GFI1B: variants seen among roughly 807,000 people sequenced by gnomAD.
GFI1B encodes zinc finger protein Gfi-1b.
A neutral mutation model predicts 35.3 loss-of-function variants in GFI1B; 20 were observed. The ratio of observed to expected loss-of-function variants is 0.57; its 90% CI spans 0.40 to 0.82. The LOEUF (loss-of-function observed/expected upper bound fraction) is 0.82, where lower values mean the gene tolerates loss of function less well. Among genes scored for constraint, GFI1B ranks in the 40% least tolerant of loss-of-function variants. The pLI is 0.00. For synonymous variants in GFI1B, 178 were observed against 177.6 expected (o/e 1.00, Z -0.02); for missense variants, 430 against 446.3 (o/e 0.96, Z 0.33).
chr9:132,969,180 C>A (rs770925272), intron 1 of GFI1B, among the ~76,000 whole-genome samples: 3 of 152,020 alleles, frequency 2.0e-5, no homozygotes, highest in South Asian at 2.1e-4. Flanking sequence ...AGGCGCGCAC[C>A]ACCAGGCCTG....
At chr9:132,958,425 C>T (rs149953647) in intron 1 of GFI1B, among the ~76,000 whole-genome samples, 180 of 152,152 alleles carry the variant, frequency 1.2e-3, no homozygotes, top group African/African-American at 4.1e-3. Context: ...CCAATCATGG[C>T]GGAAGGCAAA....
intron 1 of GFI1B, among the ~76,000 whole-genome samples, chr9:132,982,149 C>A (rs1848848423): frequency 2.6e-5 from 4 of 152,252 alleles, no homozygotes; most frequent in Admixed American, 2.6e-4. Flanking sequence ...AAAAGGGGAA[C>A]CCGAGTGACA....
chr9:132,951,487 T>C (rs1848201503), intron 1 of GFI1B: 1 of 152,212 alleles, frequency 6.6e-6, no homozygotes, highest in South Asian at 2.1e-4. Flanking sequence ...CTTCTCCCAG[T>C]TTATTATCTC....
rs1000630077 is a variant in GFI1B at position 132,989,306 on chromosome 9, A to G, written c.648+108A>G. The G allele has an allele frequency of 7.1e-6, 8 of 1,131,990 alleles. No homozygotes were observed. In the African/African-American group the frequency reaches 1.2e-4, roughly 17 times the overall value. The allele number at this position is 1,131,990 out of a possible 1,614,324, so 70.1% of individuals were successfully genotyped here. Reference sequence around the variant, plus strand: ...CCCTCCCCCTGCCCCTGGGGGTGACACAGATTGGGAGGGGTCCCCTAGTAC... The same window carrying G: ...CCCTCCCCCTGCCCCTGGGGGTGACGCAGATTGGGAGGGGTCCCCTAGTAC... On this transcript the variant is annotated intron_variant, in intron 5 of 6. Coordinates refer to ENST00000372122, the MANE Select transcript of GFI1B (RefSeq NM_001377304.1). This position sits in a 1 kb window ranked among gnomAD's most constrained non-coding sequence, Gnocchi z 6.2.
At chr9:132,977,394 T>C (rs984147420), upstream of GFI1B, among the ~76,000 whole-genome samples, 11 of 152,110 alleles carry the variant, frequency 7.2e-5, no homozygotes, top group Non-Finnish European at 1.0e-4. Context: ...CAGGGTTGTG[T>C]CCTCCTGGCT....
chr9:132,989,972 A>C lies in GFI1B; in HGVS notation c.814+65A>C, dbSNP rs681470. 7.0e-7 allele frequency: 1 copy of C among 1,418,994 alleles called. No individual in the cohort carries two copies. Among genetic ancestry groups the C allele is most frequent in the Non-Finnish European group, 9.9e-7 (1 of 1,006,850 alleles). 87.9% of individuals were successfully genotyped at this position (1,418,994 alleles called of 1,614,324 possible). On this transcript the variant is annotated intron_variant, in intron 6 of 6. Transcript: ENST00000372122. The surrounding 1 kb of genome is among the most constrained non-coding windows in gnomAD (Gnocchi z 6.2). ...ACCCCCACCTTTCCCTGAGAGATGC[A>C]TCAGAGGCCCCCAGCGTGAGGCTGG...
upstream of GFI1B, among the ~76,000 whole-genome samples, chr9:132,973,933 T>G (rs930592121): frequency 6.6e-6 from 1 of 152,178 alleles, no homozygotes. Flanking sequence ...GCACAATGAT[T>G]GGTGCTGGAT....
At chr9:132,957,476 G>A (rs1279890245) in intron 1 of GFI1B, among the ~76,000 whole-genome samples, 1 of 152,202 alleles carries the variant, frequency 6.6e-6, no homozygotes, top group Non-Finnish European at 1.5e-5. Context: ...ATTCAACAAT[G>A]ACATACTAGC....
chr9:132,973,945 T>C (rs763358196), upstream of GFI1B, among the ~76,000 whole-genome samples: 1 of 152,196 alleles, frequency 6.6e-6, no homozygotes, highest in African/African-American at 2.4e-5. Context: ...GTGCTGGATG[T>C]GCTTGTGACC....
intron 1 of GFI1B, among the ~76,000 whole-genome samples, chr9:132,983,844 T>C (rs1848923947): frequency 6.6e-6 from 1 of 152,232 alleles, no homozygotes; most frequent in Non-Finnish European, 1.5e-5. Flanking sequence ...CCTGCTGGGC[T>C]GAAAGTCAAG....
intron 4 of GFI1B, 25 bp downstream of exon 4, chr9:132,988,493 C>G (rs759752262): frequency 1.2e-6 from 2 of 1,607,582 alleles, no homozygotes; most frequent in Non-Finnish European, 1.7e-6. Flanking sequence ...GTGTGGTGGG[C>G]ACCTGGGCCC....
At chr9:132,958,414 T>C (rs1848315506) in intron 1 of GFI1B, among the ~76,000 whole-genome samples, 1 of 152,136 alleles carries the variant, frequency 6.6e-6, no homozygotes. Flanking sequence ...TCAGGAAGCT[T>C]CCAATCATGG....
intron 1 of GFI1B, among the ~76,000 whole-genome samples, chr9:132,965,820 T>A (rs1588415005): frequency 6.6e-6 from 1 of 152,318 alleles, no homozygotes. Flanking sequence ...AGGCAAGAAA[T>A]TTCTGTTGTT....
chr9:132,960,974 C>G (rs768426535), intron 1 of GFI1B, among the ~76,000 whole-genome samples: 2 of 152,048 alleles, frequency 1.3e-5, no homozygotes, highest in African/African-American at 2.4e-5. Context: ...TTCTCAGTCC[C>G]CCAAGCAGCA....
rs139056593 is a variant in GFI1B, at chr9:132,989,021, C to A, written c.511-40C>A. The A allele has an allele frequency of 1.2e-6, 2 of 1,607,486 alleles. No homozygotes were observed. Among genetic ancestry groups the A allele is most frequent in the Admixed American group, 1.7e-5 (1 of 59,990 alleles). On this transcript the variant is annotated intron_variant, in intron 4 of 6. Transcript: ENST00000372122. This position sits in a 1 kb window ranked among gnomAD's most constrained non-coding sequence, Gnocchi z 6.2. ...GGGACCCCAGGCCTGTCCCTGTCACCGCAGCCCCCAGTGGCCTCACATGCT... is the reference window on the plus strand; with the variant it reads ...GGGACCCCAGGCCTGTCCCTGTCACAGCAGCCCCCAGTGGCCTCACATGCT...
At chr9:132,955,701 A>C (rs1848271346) in intron 1 of GFI1B, among the ~76,000 whole-genome samples, 1 of 152,138 alleles carries the variant, frequency 6.6e-6, no homozygotes, top group African/African-American at 2.4e-5. Context: ...AAGGTAATTT[A>C]AATTCTTAAC....
rs189565257 is a variant in GFI1B, at chr9:132,967,450, G to A, written c.-700-5275G>A. 1.6e-3 allele frequency among the ~76,000 whole-genome samples: 236 copies of A among 152,218 alleles called. 2 individuals carry two copies. The highest frequency in any genetic ancestry group is 5.5e-3 in the African/African-American group (230 of 41,534). On this transcript the variant is annotated intron_variant, in intron 1 of 10. Transcript: ENST00000339463. The stretch of plus-strand genomic sequence containing the variant: ...AATCATTACGAAAAGAAAGGGGCAG[G>A]GGGTGCTCTTCCATCATAAAGGAAG...
intron 1 of GFI1B, among the ~76,000 whole-genome samples, chr9:132,948,307 A>G (rs760371415): frequency 7.2e-5 from 11 of 152,176 alleles, no homozygotes; most frequent in Non-Finnish European, 1.5e-4. Context: ...AAGTCGAGTT[A>G]AAGAGTGAAA....
chr9:132,948,675 C>G, intron 1 of GFI1B, among the ~76,000 whole-genome samples: 1 of 152,232 alleles, frequency 6.6e-6, no homozygotes. Context: ...CTGGCAGCCC[C>G]CAAGGCCCTC....
Sources: gnomAD v4.1 joint callset for allele counts (sites outside exome capture counted in the v4.1 genomes callset) on GRCh38, gnomAD v4.1.1 for gene constraint, Gnocchi (gnomAD v3.1) non-coding constraint, MANE v1.5 for transcripts, NCBI Gene and HGNC (gene_info 2026-07-23, HGNC 2026-07-21) for gene names.